The following LRRC4C variants were observed in gnomAD, a reference collection of about 807,000 sequenced individuals.
LRRC4C encodes the protein leucine rich repeat containing 4C.
LRRC4C carries 5 observed loss-of-function variants against 33.6 expected under a neutral mutation model. That is an observed-to-expected ratio of 0.15 (90% confidence interval 0.08 to 0.31). The LOEUF (loss-of-function observed/expected upper bound fraction) is 0.31. LRRC4C is among the 10% of genes least tolerant of loss of function. The pLI is 1.00. For synonymous variants in LRRC4C, 329 were observed against 302.0 expected (o/e 1.09, Z -0.93); for missense variants, 560 against 796.7 (o/e 0.70, Z 3.58).
intron 3 of LRRC4C, among the ~76,000 whole-genome samples, chr11:40,539,644 A>G (rs956141841): frequency 6.6e-6 from 1 of 152,164 alleles, no homozygotes; most frequent in Non-Finnish European, 1.5e-5. Context: ...AAAACTACCT[A>G]CAGAGTATCA....
chr11:40,119,428 T>C (rs1855667039), intron 6 of LRRC4C, among the ~76,000 whole-genome samples: 2 of 152,126 alleles, frequency 1.3e-5, no homozygotes, highest in African/African-American at 2.4e-5. Flanking sequence ...CAGCTCTAGA[T>C]TGACTTTTCA....
chr11:41,437,420 C>T (rs1231841913), intron 1 of LRRC4C, among the ~76,000 whole-genome samples: 16 of 124,092 alleles, frequency 1.3e-4, no homozygotes, highest in South Asian at 2.5e-4. Context: ...AACGCGCGCG[C>T]GCGCGCACAC....
chr11:40,482,026 T>G (rs2138413766), intron 3 of LRRC4C, among the ~76,000 whole-genome samples: 1 of 152,284 alleles, frequency 6.6e-6, no homozygotes, highest in African/African-American at 2.4e-5. Context: ...AATCAATGAT[T>G]AATACTCAGA....
chr11:40,308,741 C>T (rs1293812612), intron 4 of LRRC4C, among the ~76,000 whole-genome samples: 1 of 152,106 alleles, frequency 6.6e-6, no homozygotes, highest in Non-Finnish European at 1.5e-5. Context: ...AATTTCATTG[C>T]CACCACATAC....
intron 1 of LRRC4C, among the ~76,000 whole-genome samples, chr11:41,150,378 A>G (rs757311454): frequency 1.3e-4 from 20 of 152,364 alleles, no homozygotes; most frequent in Middle Eastern, 3.4e-3. Context: ...TGTTTTGGAC[A>G]TGGTGCTCAA....
chr11:40,750,279 T>A (rs75922046), intron 2 of LRRC4C, among the ~76,000 whole-genome samples: 17,895 of 151,954 alleles, frequency 0.12, 1,443 homozygotes, highest in East Asian at 0.41. Flanking sequence ...ACCAACTATA[T>A]AATGAAAAAC....
intron 1 of LRRC4C, among the ~76,000 whole-genome samples, chr11:41,241,007 C>T (rs1948228650): frequency 6.6e-6 from 1 of 152,138 alleles, no homozygotes; most frequent in African/African-American, 2.4e-5. Flanking sequence ...AGATCTGAGT[C>T]TTTCTCTAGG....
At chr11:41,391,894 A>C (rs748047363) in intron 1 of LRRC4C, among the ~76,000 whole-genome samples, 1 of 152,082 alleles carries the variant, frequency 6.6e-6, no homozygotes, top group South Asian at 2.1e-4. Context: ...CATTGTAATA[A>C]GTGTTTTACT....
intron 2 of LRRC4C, among the ~76,000 whole-genome samples, chr11:40,888,887 A>C (rs1461411395): frequency 6.6e-6 from 1 of 151,856 alleles, no homozygotes; most frequent in Non-Finnish European, 1.5e-5. Context: ...ATCTTCTTTT[A>C]TTTTTCTCTC....
chr11:41,455,907 T>G (rs2138685865), intron 1 of LRRC4C, among the ~76,000 whole-genome samples: 1 of 152,294 alleles, frequency 6.6e-6, no homozygotes, highest in South Asian at 2.1e-4. Context: ...CTTCTAATTT[T>G]AACCCCAGCC....
At chr11:40,851,787 T>TA (rs1444266154) in intron 2 of LRRC4C, among the ~76,000 whole-genome samples, 5 of 151,928 alleles carry the variant, frequency 3.3e-5, no homozygotes, top group African/African-American at 1.2e-4. Context: ...AATAAATAAA[T>TA]AATAAAAAAG....
chr11:40,887,966 GTTTGGT>G (rs1304788076), intron 2 of LRRC4C, among the ~76,000 whole-genome samples: 1 of 151,698 alleles, frequency 6.6e-6, no homozygotes, highest in African/African-American at 2.4e-5. Context: ...ACATGTAAAA[GTTTGGT>G]TATTATTTTA....
At chr11:40,278,412 G>T (rs550594915) in intron 4 of LRRC4C, among the ~76,000 whole-genome samples, 1 of 152,192 alleles carries the variant, frequency 6.6e-6, no homozygotes, top group South Asian at 2.1e-4. Flanking sequence ...CAGGAGTGTG[G>T]GTATTCAAGG....
intron 3 of LRRC4C, among the ~76,000 whole-genome samples, chr11:40,566,698 T>C (rs1957782170): frequency 6.6e-6 from 1 of 152,112 alleles, no homozygotes; most frequent in Non-Finnish European, 1.5e-5. Flanking sequence ...GCAATTTCAA[T>C]TTTTCTTCCC....
At chr11:40,503,732 G>C (rs1221564509) in intron 3 of LRRC4C, among the ~76,000 whole-genome samples, 2 of 152,148 alleles carry the variant, frequency 1.3e-5, no homozygotes, top group African/African-American at 4.8e-5. Context: ...CAAGAGTTAG[G>C]CTCAGTAGAC....
intron 4 of LRRC4C, among the ~76,000 whole-genome samples, chr11:40,312,225 T>G (rs1330555269): frequency 6.6e-6 from 1 of 152,216 alleles, no homozygotes; most frequent in Non-Finnish European, 1.5e-5. Flanking sequence ...TTTGAATTAT[T>G]ATTGTTACCT....
chr11:41,457,409 T>C (rs1182220649), intron 1 of LRRC4C, among the ~76,000 whole-genome samples: 1 of 152,152 alleles, frequency 6.6e-6, no homozygotes, highest in East Asian at 1.9e-4. Flanking sequence ...GGAATGCTGA[T>C]TGTCCAGGCA....
rs535848861 is a variant in LRRC4C at position 40,839,537 on chromosome 11, C to T, written c.-407+94098G>A. ...CTGGGATTACAGGCGTGAGCCACCG[C>T]GCCTGGCCATCACCTATTTCAAACT... is the stretch of plus-strand genomic sequence containing the variant. On this transcript the variant is annotated intron_variant, in intron 2 of 6. Transcript: ENST00000528697. 7.2e-5 allele frequency among the ~76,000 whole-genome samples: 11 copies of T among 152,238 alleles called. No homozygotes were observed. In the South Asian group the frequency reaches 1.0e-3, roughly 14 times the overall value.
chr11:40,149,704 C>G lies in LRRC4C; in HGVS notation c.-95-8851G>C, dbSNP rs59270193. Among the ~76,000 whole-genome samples, 541 of 151,968 alleles carry G rather than the reference C, an allele frequency of 3.6e-3. 6 individuals carry two copies. The highest frequency in any genetic ancestry group is 0.012 in the African/African-American group (515 of 41,430). On this transcript the variant is annotated intron_variant, in intron 5 of 6. Coordinates refer to ENST00000528697, the MANE Select transcript of LRRC4C (RefSeq NM_001258419.2). ...CCTCTGAAAAAGAGATGTGTAAATTCAAGAATGATAAGAAAGAACTTAGAT... is the reference window on the plus strand; with the variant it reads ...CCTCTGAAAAAGAGATGTGTAAATTGAAGAATGATAAGAAAGAACTTAGAT...
Sources: allele counts gnomAD v4.1 joint callset (sites outside exome capture counted in the v4.1 genomes callset), GRCh38; gene constraint gnomAD v4.1.1; transcripts MANE v1.5; gene names NCBI Gene and HGNC (gene_info 2026-07-23, HGNC 2026-07-21).